DCDC1: variants seen among roughly 807,000 people sequenced by gnomAD.
The protein encoded by DCDC1 is doublecortin domain-containing protein 1.
DCDC1 carries 200 observed loss-of-function variants against 178.3 expected under a neutral mutation model. That is an observed-to-expected ratio of 1.12 (90% CI 1.00 to 1.26). DCDC1 has a LOEUF of 1.26. DCDC1 is among the 50% of genes most tolerant of loss of function. DCDC1 has a pLI of 0.00. For synonymous variants in DCDC1, 690 were observed against 604.8 expected, an observed-to-expected ratio of 1.14 and a Z score of -2.07; for missense variants, 1,983 against 1,749.2, an observed-to-expected ratio of 1.13 and a Z score of -2.38.
intron 20 of DCDC1, among the ~76,000 whole-genome samples, chr11:31,040,148 AG>A (rs1954337102): frequency 6.6e-6 from 1 of 152,220 alleles, no homozygotes; most frequent in Non-Finnish European, 1.5e-5. Flanking sequence ...ATTAAAATAC[AG>A]GACTGTAAAA....
intron 20 of DCDC1, among the ~76,000 whole-genome samples, chr11:31,017,549 G>GT (rs1699892309): frequency 6.7e-6 from 1 of 148,778 alleles, no homozygotes; most frequent in South Asian, 2.1e-4. Flanking sequence ...TTTATCAATG[G>GT]TAAAAAAAAA....
At chr11:31,160,111 C>T (rs1363874942) in intron 9 of DCDC1, among the ~76,000 whole-genome samples, 16 of 152,138 alleles carry the variant, frequency 1.1e-4, no homozygotes, top group Non-Finnish European at 2.9e-5. Flanking sequence ...TGAGGCTTTC[C>T]TTCATTACAC....
intron 6 of DCDC1, among the ~76,000 whole-genome samples, chr11:31,304,233 T>C (rs1365222324): frequency 1.3e-5 from 2 of 152,342 alleles, no homozygotes; most frequent in Non-Finnish European, 2.9e-5. Flanking sequence ...AATTTTTATA[T>C]GTCTCTTCTA....
chr11:31,183,557 T>G (rs1241543769), intron 9 of DCDC1, among the ~76,000 whole-genome samples: 1 of 152,174 alleles, frequency 6.6e-6, no homozygotes, highest in Non-Finnish European at 1.5e-5. Flanking sequence ...GCCCAAAATC[T>G]CCTTAAGCTG....
chr11:30,920,122 C>T (rs1946139705), intron 25 of DCDC1, among the ~76,000 whole-genome samples: 1 of 152,130 alleles, frequency 6.6e-6, no homozygotes, highest in East Asian at 1.9e-4. Flanking sequence ...AATATGCAGG[C>T]GACAGCTTGT....
intron 9 of DCDC1, among the ~76,000 whole-genome samples, chr11:31,208,489 G>A (rs1972120973): frequency 6.6e-6 from 1 of 152,254 alleles, no homozygotes. Flanking sequence ...ACTCTTTGGA[G>A]GTTTGTCTGT....
At chr11:31,140,502 G>T (rs761212729) in intron 9 of DCDC1, among the ~76,000 whole-genome samples, 1 of 152,114 alleles carries the variant, frequency 6.6e-6, no homozygotes, top group East Asian at 1.9e-4. Flanking sequence ...GTCAGGCCTT[G>T]CTGCTAAGAT....
At chr11:31,243,583 A>C (rs1440052863) in intron 8 of DCDC1, among the ~76,000 whole-genome samples, 1 of 151,758 alleles carries the variant, frequency 6.6e-6, no homozygotes, top group Non-Finnish European at 1.5e-5. Flanking sequence ...CAAAAAAAGC[A>C]CTTACTAGAT....
chr11:30,969,735 GAGT>G (rs1949674960), intron 20 of DCDC1, among the ~76,000 whole-genome samples: 1 of 151,942 alleles, frequency 6.6e-6, no homozygotes, highest in South Asian at 2.1e-4. Context: ...AGATTTTTTG[GAGT>G]TCATTTTCAT....
intron 9 of DCDC1, among the ~76,000 whole-genome samples, chr11:31,226,610 T>C (rs1481900246): frequency 1.3e-5 from 2 of 149,980 alleles, no homozygotes; most frequent in Non-Finnish European, 3.0e-5. Context: ...TTGTGATGAA[T>C]AGAACAACAT....
At chr11:31,168,107 C>T (rs1359062590) in intron 9 of DCDC1, among the ~76,000 whole-genome samples, 3 of 152,198 alleles carry the variant, frequency 2.0e-5, no homozygotes, top group African/African-American at 7.2e-5. Context: ...CTTTGTGAAT[C>T]ATGCTTTGAT....
chr11:31,092,881 G>C (rs768773367), intron 16 of DCDC1, among the ~76,000 whole-genome samples: 1 of 152,172 alleles, frequency 6.6e-6, no homozygotes, highest in Non-Finnish European at 1.5e-5. Context: ...GTCAAATATA[G>C]AGGAGTGTTT....
intron 1 of DCDC1, among the ~76,000 whole-genome samples, chr11:31,341,326 T>C (rs979435032): frequency 3.9e-5 from 6 of 152,106 alleles, no homozygotes; most frequent in Non-Finnish European, 7.3e-5. Flanking sequence ...CAATTCACCC[T>C]GCGAGTAGAA....
rs542026396 is a variant in DCDC1 at position 31,128,623 on chromosome 11, A to G, written c.1315-984T>C. Among the ~76,000 whole-genome samples, 13 of 152,302 alleles carry G rather than the reference A, an allele frequency of 8.5e-5. No individual in the cohort carries two copies. The East Asian group carries it at 2.5e-3, about 29-fold the overall frequency. On this transcript the variant is annotated intron_variant, in intron 10 of 38. Coordinates refer to ENST00000684477, the MANE Select transcript of DCDC1 (RefSeq NM_001387274.1). ...TTTAGAATTATGAGTAAGTTTGAAT[A>G]GAGCATTGACATCGAAAACGTGGGT...
intron 36 of DCDC1, among the ~76,000 whole-genome samples, chr11:30,892,104 G>C (rs1943837500): frequency 6.6e-6 from 1 of 152,102 alleles, no homozygotes; most frequent in South Asian, 2.1e-4. Context: ...AGACATCATT[G>C]CAACAGATAA....
Position 31,047,997 on chromosome 11 carries a change from A to G in DCDC1, c.2591+16472T>C, listed in dbSNP as rs541427301. On this transcript the variant is annotated intron_variant, in intron 20 of 38. Transcript: ENST00000684477. ...ACAAGCTGCCATTTACCGAACATTTACTATACCAAGAACTGGGCTCAACTT... is the reference window on the plus strand; with the variant it reads ...ACAAGCTGCCATTTACCGAACATTTGCTATACCAAGAACTGGGCTCAACTT... Among the ~76,000 whole-genome samples, 3 of 152,280 alleles carry G rather than the reference A, an allele frequency of 2.0e-5. No individual in the cohort carries two copies. The South Asian group carries it at 6.2e-4, about 32-fold the overall frequency.
intron 17 of DCDC1, among the ~76,000 whole-genome samples, chr11:31,078,401 G>A (rs1956989648): frequency 1.3e-5 from 2 of 152,170 alleles, no homozygotes; most frequent in Admixed American, 1.3e-4. Flanking sequence ...CTAAGTCTGA[G>A]TAAGAAAAAA....
intron 20 of DCDC1, among the ~76,000 whole-genome samples, chr11:31,022,906 G>A (rs1952980793): frequency 6.6e-6 from 1 of 152,128 alleles, no homozygotes; most frequent in East Asian, 1.9e-4. Context: ...GATGAATGGT[G>A]TCCTAATGTC....
At chr11:31,093,212 C>T (rs991797615) in intron 16 of DCDC1, among the ~76,000 whole-genome samples, 1 of 152,160 alleles carries the variant, frequency 6.6e-6, no homozygotes. Flanking sequence ...AATAATATGT[C>T]TTAGTACCTT....
Sources: gnomAD v4.1 joint callset for allele counts (sites outside exome capture counted in the v4.1 genomes callset) on GRCh38, gnomAD v4.1.1 for gene constraint, MANE v1.5 for transcripts, NCBI Gene and HGNC (gene_info 2026-07-23, HGNC 2026-07-21) for gene names.